Variants in OTOA observed in about 807,000 individuals in gnomAD.
OTOA encodes otoancorin, also known as cancer/testis antigen 108.
OTOA carries 70 observed loss-of-function variants against 110.8 expected under a neutral mutation model. That is an observed-to-expected ratio of 0.63 (90% CI 0.52 to 0.77). OTOA has a LOEUF of 0.77. Ranked by LOEUF, OTOA falls within the 30% of genes least tolerant of loss-of-function variation. OTOA has a pLI of 0.00. For synonymous variants in OTOA, 373 were observed against 431.5 expected, an observed-to-expected ratio of 0.86 and a Z score of 1.68; for missense variants, 917 against 1,075.8, an observed-to-expected ratio of 0.85 and a Z score of 2.06.
At chr16:21,743,761 TC>T (rs1899565532) in intron 23 of OTOA, among the ~76,000 whole-genome samples, 1 of 125,296 alleles carries the variant, frequency 8.0e-6, no homozygotes, top group Non-Finnish European at 1.8e-5. Flanking sequence ...ATTTAATTTT[TC>T]TTTTGTGAAT....
At chr16:21,698,678 C>T (rs1897991590) in intron 10 of OTOA, among the ~76,000 whole-genome samples, 2 of 152,096 alleles carry the variant, frequency 1.3e-5, no homozygotes, top group Admixed American at 6.6e-5. Context: ...AGAGGCAGAA[C>T]GAGCTTTCTC....
chr16:21,714,328 CCTTCCTTT>C (rs1898460594), intron 13 of OTOA, among the ~76,000 whole-genome samples: 5 of 128,864 alleles, frequency 3.9e-5, no homozygotes, highest in African/African-American at 1.1e-4. Context: ...TTCCTTCCTT[CCTTCCTTT>C]CTTTCTTTCT....
chr16:21,695,891 A>ATTTTTTTTTTTTTTTTT lies in OTOA; in HGVS notation c.740-1881_740-1865dup, dbSNP rs386384450. Among the ~76,000 whole-genome samples, 31 of 41,892 alleles carry ATTTTTTTTTTTTTTTTT rather than the reference A, an allele frequency of 7.4e-4. 1 individual carries two copies. Among genetic ancestry groups the ATTTTTTTTTTTTTTTTT allele is most frequent in the Admixed American group, 2.2e-3 (6 of 2,698 alleles). The allele number at this position is 41,892 out of a possible 152,430, so 27.5% of individuals were successfully genotyped here. On this transcript the variant is annotated intron_variant, in intron 9 of 28. Coordinates refer to ENST00000646100, the MANE Select transcript of OTOA (RefSeq NM_144672.4). The stretch of plus-strand genomic sequence containing the variant: ...GATATATATATATATATATATATAT[A>ATTTTTTTTTTTTTTTTT]TTTTTTTTTTTTTTTTTTTCTGAGA...
At position 21,719,203 on chromosome 16, in the gene OTOA, T is replaced by C. The variant is rs995924306; in HGVS notation, c.1688+12T>C. 14 of 1,613,970 alleles carry C rather than the reference T, an allele frequency of 8.7e-6. No homozygotes were observed. The highest frequency in any genetic ancestry group is 8.0e-5 in the African/African-American group (6 of 74,936). ...GAGGAGCTTTTGAGGTAGGAAAATG[T>C]AACTCGGCCTGGGTGCTGAACAGGC... On this transcript the variant is annotated intron_variant, in intron 16 of 28. Transcript: ENST00000646100.
chr16:21,760,696 G>A lies in OTOA; in HGVS notation c.*156G>A, dbSNP rs1301414717. 1 of 492,146 alleles carries A rather than the reference G, an allele frequency of 2.0e-6. No homozygotes were observed. The highest frequency in any genetic ancestry group is 1.9e-5 in the African/African-American group (1 of 52,110). The allele number at this position is 492,146 out of a possible 1,614,324, so 30.5% of individuals were successfully genotyped here. A position where few individuals can be genotyped will look rare whatever the true frequency, so the allele number is the denominator to read the frequency against. On this transcript the variant is annotated 3_prime_UTR_variant, in exon 29 of 29. Coordinates refer to ENST00000646100, the MANE Select transcript of OTOA (RefSeq NM_144672.4). ...TTGATGGTGAAAATGCACCCCAAAT[G>A]AAAAATAATTATTAAAAATGATCTT...
chr16:21,707,647 TTCTTTCTTTC>T (rs879561886), intron 12 of OTOA, among the ~76,000 whole-genome samples: 4,841 of 113,786 alleles, frequency 0.043, 206 homozygotes, highest in Non-Finnish European at 0.067. Flanking sequence ...CTTTCTTTCT[TTCTTTCTTTC>T]TCTTTCTTTC....
chr16:21,714,889 A>T, intron 13 of OTOA, 96 bp from the exon 14 acceptor site: 1 of 1,519,346 alleles, frequency 6.6e-7, no homozygotes, highest in African/African-American at 1.4e-5. Flanking sequence ...CTAAGGTGTC[A>T]CCCATCCCTA....
Position 21,687,477 on chromosome 16 carries a change from T to C in OTOA, c.464T>C (p.Val155Ala). ...IRERALQSPG[V>A]NRSLFLITLE... is the part of the protein sequence containing the mutation. ...GAACGAGCCTTGCAGAGCCCTGGCG[T>C]GAACCGCAGCCTGTTTCTCATCACA... Residue 155 changes from valine (V) to alanine (A), a missense_variant, in exon 8 of 29, where the codon GTG becomes GCG. By Grantham distance (64) the Val-to-Ala change is moderately conservative. Coordinates refer to ENST00000646100, the MANE Select transcript of OTOA (RefSeq NM_144672.4). 2 of 1,614,060 alleles carry C rather than the reference T, an allele frequency of 1.2e-6. No homozygotes were observed. The highest frequency in any genetic ancestry group is 1.7e-6 in the Non-Finnish European group (2 of 1,180,012).
chr16:21,744,361 G>C (rs1396744935), intron 23 of OTOA, among the ~76,000 whole-genome samples: 1 of 151,714 alleles, frequency 6.6e-6, no homozygotes, highest in Non-Finnish European at 1.5e-5. Context: ...TGGCCAGGCT[G>C]GTCTTGAACT....
intron 12 of OTOA, among the ~76,000 whole-genome samples, chr16:21,706,331 G>A (rs748955893): frequency 1.3e-5 from 2 of 152,160 alleles, no homozygotes; most frequent in South Asian, 2.1e-4. Context: ...TTCTGGAACC[G>A]CTGCTCTGGT....
At chr16:21,695,891 A>ATATATATATATATATATATGTATTTTTT (rs569493650) in intron 9 of OTOA, among the ~76,000 whole-genome samples, 1 of 41,904 alleles carries the variant, frequency 2.4e-5, no homozygotes, top group African/African-American at 1.5e-4. Flanking sequence ...ATATATATAT[A>ATATATATATATATATATATGTATTTTTT]TTTTTTTTTT....
rs773009472 is a variant in OTOA at position 21,715,021 on chromosome 16, C to T, written c.1357C>T (p.Leu453=). 30 of 1,614,242 alleles carry T rather than the reference C, an allele frequency of 1.9e-5. 1 individual carries two copies. In the South Asian group the frequency reaches 2.6e-4, roughly 14 times the overall value. Residue 453 remains leucine (L), a synonymous_variant, in exon 14 of 29, where the codon CTG becomes TTG. Coordinates refer to ENST00000646100, the MANE Select transcript of OTOA (RefSeq NM_144672.4). ...CTACAATGTCAGCCAGATGGGCGCA[C>T]TGCTGGCTGGGGTCAGCACCCAGGC... is the stretch of plus-strand genomic sequence containing the variant. The part of the protein sequence containing the change: ...SFYNVSQMGA[L]LAGVSTQAFC...
chr16:21,678,994 A>G, intron 3 of OTOA, 42 bp from the exon 4 acceptor site: 1 of 1,613,872 alleles, frequency 6.2e-7, no homozygotes, highest in Non-Finnish European at 8.5e-7. Flanking sequence ...GGAATTGCCA[A>G]CTTTTGGTTG....
intron 22 of OTOA, 71 bp downstream of exon 22, chr16:21,736,461 C>G: frequency 6.4e-7 from 1 of 1,551,372 alleles, no homozygotes; most frequent in Non-Finnish European, 8.9e-7. Flanking sequence ...TCCCTGACAT[C>G]AAGAGGCCTC....
At chr16:21,666,379 G>C (rs1000969423) in intron 1 of OTOA, among the ~76,000 whole-genome samples, 17 of 151,468 alleles carry the variant, frequency 1.1e-4, no homozygotes, top group African/African-American at 4.1e-4. Context: ...TTAATGGTTT[G>C]TGTCTGGGCT....
intron 21 of OTOA, among the ~76,000 whole-genome samples, chr16:21,735,492 A>G (rs1326391830): frequency 2.0e-5 from 3 of 152,162 alleles, no homozygotes; most frequent in Non-Finnish European, 4.4e-5. Flanking sequence ...TTACATTTCA[A>G]TAAGATTTGG....
intron 14 of OTOA, 64 bp from the exon 15 acceptor site, chr16:21,716,843 G>A (rs1198235239): frequency 1.1e-5 from 18 of 1,597,820 alleles, no homozygotes; most frequent in Non-Finnish European, 1.5e-5. Flanking sequence ...TGTAGTGCCT[G>A]GCCCTTCCTC....
At chr16:21,678,673 A>G (rs1567362932) in intron 2 of OTOA, 68 bp downstream of exon 2, 8 of 1,377,368 alleles carry the variant, frequency 5.8e-6, no homozygotes, top group Non-Finnish European at 8.3e-6. Flanking sequence ...TGGGATAGAT[A>G]CATTAGGTAC....
intron 7 of OTOA, 38 bp from the exon 8 acceptor site, chr16:21,687,372 GGCA>G: frequency 6.4e-7 from 1 of 1,567,570 alleles, no homozygotes; most frequent in Non-Finnish European, 8.8e-7. Context: ...CAAATTGAGA[GGCA>G]GCTCTCAAAC....
Sources: allele counts gnomAD v4.1 joint callset (sites outside exome capture counted in the v4.1 genomes callset), GRCh38; gene constraint gnomAD v4.1.1; transcripts MANE v1.5; gene names NCBI Gene and HGNC (gene_info 2026-07-23, HGNC 2026-07-21).